Variants in ATL3 observed in about 807,000 individuals in gnomAD.
ATL3 encodes atlastin-3.
Under a neutral mutation model 69.5 loss-of-function variants are expected in ATL3, and 49 were observed. The observed-to-expected ratio is 0.71, with a 90% confidence interval of 0.56 to 0.89. ATL3 has a LOEUF of 0.89. ATL3 is among the 40% of genes least tolerant of loss of function. ATL3 has a pLI of 0.00. For missense variants in ATL3, 606 were observed against 645.7 expected, an observed-to-expected ratio of 0.94 and a Z score of 0.67; for synonymous variants, 214 against 224.1, an observed-to-expected ratio of 0.95 and a Z score of 0.40.
chr11:63,646,301 C>A (rs1358354770), intron 6 of ATL3, among the ~76,000 whole-genome samples: 1 of 152,154 alleles, frequency 6.6e-6, no homozygotes, highest in African/African-American at 2.4e-5. Context: ...TACCTACAGA[C>A]AATGACACTT....
intron 9 of ATL3, 97 bp downstream of exon 9, chr11:63,636,110 A>T: frequency 6.6e-7 from 1 of 1,508,546 alleles, no homozygotes; most frequent in Non-Finnish European, 8.9e-7. Flanking sequence ...CCCCCAGAAA[A>T]TTTTTAAGTT....
intron 1 of ATL3, among the ~76,000 whole-genome samples, chr11:63,663,452 A>G (rs978438584): frequency 2.6e-5 from 4 of 152,172 alleles, no homozygotes; most frequent in African/African-American, 9.7e-5. Context: ...CTACTTTTTA[A>G]GTTTTTGCAG....
upstream of ATL3, chr11:63,671,381 G>C (rs753082641): frequency 4.5e-6 from 7 of 1,551,914 alleles, no homozygotes; most frequent in Non-Finnish European, 6.1e-6. Context: ...GCAGAGGAGA[G>C]GGACGGGTGC....
At chr11:63,649,548 T>A (rs531152069) in intron 5 of ATL3, among the ~76,000 whole-genome samples, 2 of 151,724 alleles carry the variant, frequency 1.3e-5, no homozygotes, top group African/African-American at 4.8e-5. Context: ...TTTTTTTTTT[T>A]AAAGACAGAG....
chr11:63,636,073 G>A (rs1939505390), intron 9 of ATL3, 134 bp downstream of exon 9: 1 of 1,100,604 alleles, frequency 9.1e-7, no homozygotes, highest in South Asian at 1.6e-5. Context: ...AGGACACCAA[G>A]GTCTCTGAAA....
At chr11:63,648,992 G>A (rs1259420679) in intron 5 of ATL3, among the ~76,000 whole-genome samples, 4 of 151,746 alleles carry the variant, frequency 2.6e-5, no homozygotes, top group Non-Finnish European at 4.4e-5. Context: ...GTGGTGGCAC[G>A]CACCTGCAGT....
chr11:63,640,803 T>C (rs1018166029), intron 8 of ATL3, among the ~76,000 whole-genome samples: 1 of 152,062 alleles, frequency 6.6e-6, no homozygotes, highest in Non-Finnish European at 1.5e-5. Flanking sequence ...GGTTTCACCA[T>C]GTTGGCCAGG....
chr11:63,671,573 A>G (rs1180956914), upstream of ATL3: 20 of 1,422,778 alleles, frequency 1.4e-5, no homozygotes, highest in Non-Finnish European at 1.8e-5. Flanking sequence ...CGGGGCGGGA[A>G]AGCGCACGCG....
In ATL3 at chr11:63,636,328, G is replaced by A. The variant is rs1202824642; in HGVS notation, c.857C>T (p.Ala286Val). The change falls in exon 9 of 13, where the codon GCT (alanine) becomes GTT (valine). Residue 286 changes from alanine to valine, a missense_variant. By Grantham distance (64) the Ala-to-Val change is moderately conservative (BLOSUM62 0). Transcript: ENST00000398868. ...PDFDGKLKDIAGEFKEQLQAL... is the reference protein window; with the variant it reads ...PDFDGKLKDIVGEFKEQLQAL... Reference sequence around the variant, plus strand: ...CTGTAACTGCTCTTTGAATTCACCAGCAATATCTGTTCACAGGACGACAAA... The same window carrying A: ...CTGTAACTGCTCTTTGAATTCACCAACAATATCTGTTCACAGGACGACAAA... 1.2e-6 allele frequency: 2 copies of A among 1,613,860 alleles called. No individual in the cohort carries two copies. The highest frequency in any genetic ancestry group is 1.7e-6 in the Non-Finnish European group (2 of 1,179,988).
intron 5 of ATL3, 120 bp downstream of exon 5, chr11:63,651,816 G>T: frequency 7.2e-7 from 1 of 1,391,882 alleles, no homozygotes. Flanking sequence ...GAATTACTAT[G>T]AACCAAAAAC....
chr11:63,654,172 G>C (rs1344594746), intron 3 of ATL3, among the ~76,000 whole-genome samples: 2 of 150,286 alleles, frequency 1.3e-5, no homozygotes, highest in African/African-American at 4.9e-5. Flanking sequence ...TTTTGAGACG[G>C]AGTCTTGCGC....
In ATL3 at chr11:63,627,228, T is replaced by A. The variant is rs527517646; in HGVS notation, c.*2091A>T. The A allele has an allele frequency of 6.6e-6, 1 of 152,226 alleles. No homozygotes were observed. The highest frequency in any genetic ancestry group is 2.4e-5 in the African/African-American group (1 of 41,466). The allele number at this position is 152,226 out of a possible 1,614,324, so 9.4% of individuals were successfully genotyped here. ...TATTTACAGAGCCTGCTAATAGGTA[T>A]GAACTTTCAGAGAGATAAGAGGTCA... On this transcript the variant is annotated 3_prime_UTR_variant, in exon 13 of 13. Transcript: ENST00000398868.
rs1329353413 is a variant in ATL3 at position 63,627,748 on chromosome 11, A to C, written c.*1571T>G. 6.6e-6 allele frequency: 1 copy of C among 152,222 alleles called. No individual in the cohort carries two copies. Among genetic ancestry groups the C allele is most frequent in the Non-Finnish European group, 1.5e-5 (1 of 68,038 alleles). The allele number at this position is 152,222 out of a possible 1,614,324, so 9.4% of individuals were successfully genotyped here. On this transcript the variant is annotated 3_prime_UTR_variant, in exon 13 of 13. Coordinates refer to ENST00000398868, the MANE Select transcript of ATL3 (RefSeq NM_015459.5). ...CTAACAGATAAAACTTTTATCTCCTAATCAAGGTAAATAGAAAAAAAGAAC... is the reference window on the plus strand; with the variant it reads ...CTAACAGATAAAACTTTTATCTCCTCATCAAGGTAAATAGAAAAAAAGAAC...
Position 63,643,352 on chromosome 11 carries a change from C to T in ATL3, c.850+5G>A, listed in dbSNP as rs371251074. 56 of 1,601,684 alleles carry T rather than the reference C, an allele frequency of 3.5e-5. No homozygotes were observed. Among genetic ancestry groups the T allele is most frequent in the Non-Finnish European group, 4.3e-5 (50 of 1,175,028 alleles). On this transcript the variant is annotated splice_donor_5th_base_variant and intron_variant, in intron 8 of 12. Transcript: ENST00000398868. ...CACAGGTTTAAAATAACACCTGGAA[C>T]ACACCTTTTAATTTCCCATCAAAGT... is the stretch of plus-strand genomic sequence containing the variant.
chr11:63,659,262 T>A lies in ATL3; in HGVS notation c.47-10A>T, dbSNP rs761009322. 1 of 1,610,032 alleles carries A rather than the reference T, an allele frequency of 6.2e-7. No individual in the cohort carries two copies. The highest frequency in any genetic ancestry group is 8.5e-7 in the Non-Finnish European group (1 of 1,177,728). On this transcript the variant is annotated splice_polypyrimidine_tract_variant and intron_variant, in intron 1 of 12. Transcript: ENST00000398868. The stretch of plus-strand genomic sequence containing the variant: ...CTCTCCATGGCATCATCTATGTTCA[T>A]GCAGAGAAAAAAAATCAGTGTCAAA...
rs755308089 is a variant in ATL3, at chr11:63,633,717, C to CAA, written c.1036-622_1036-621dup. Among the ~76,000 whole-genome samples, 174 of 41,268 alleles carry CAA rather than the reference C, an allele frequency of 4.2e-3. 1 individual carries two copies. Among genetic ancestry groups the CAA allele is most frequent in the South Asian group, 0.031 (34 of 1,088 alleles). The allele number at this position is 41,268 out of a possible 152,430, so 27.1% of individuals were successfully genotyped here. A position where few individuals can be genotyped will look rare whatever the true frequency, so the allele number is the denominator to read the frequency against. The stretch of plus-strand genomic sequence containing the variant: ...CCAACTTTAAGAAATAGATGTGAGT[C>CAA]AAAAAAAAAAAAAAAAGAAGAAGGA... On this transcript the variant is annotated intron_variant, in intron 10 of 12. Coordinates refer to ENST00000398868, the MANE Select transcript of ATL3 (RefSeq NM_015459.5).
At position 63,632,820 on chromosome 11, in the gene ATL3, TCAAAA is replaced by T. The variant is rs372664895; in HGVS notation, c.1107+201_1107+205del. 792 of 732,838 alleles carry T rather than the reference TCAAAA, an allele frequency of 1.1e-3. 8 individuals are homozygous for T. In the East Asian group the frequency reaches 0.013, roughly 12 times the overall value. The allele number at this position is 732,838 out of a possible 1,614,324, so 45.4% of individuals were successfully genotyped here. A position where few individuals can be genotyped will look rare whatever the true frequency, so the allele number is the denominator to read the frequency against. ...TACTTACCAATAAACTATTTGCTAT[TCAAAA>T]CAAAACAAAACAAAACAAGAACAAA... is the stretch of plus-strand genomic sequence containing the variant. On this transcript the variant is annotated intron_variant, in intron 11 of 12. Transcript: ENST00000398868.
intron 3 of ATL3, among the ~76,000 whole-genome samples, chr11:63,656,113 C>T (rs886958148): frequency 1.3e-5 from 2 of 151,370 alleles, no homozygotes; most frequent in Admixed American, 1.3e-4. Flanking sequence ...AGTCCCAGCT[C>T]CTTGGGAGGC....
intron 10 of ATL3, among the ~76,000 whole-genome samples, chr11:63,634,052 A>AG (rs1455716257): frequency 6.7e-6 from 1 of 149,776 alleles, no homozygotes; most frequent in African/African-American, 2.5e-5. Flanking sequence ...AAAAAAAAAA[A>AG]AAAAAAGGAA....
Sources: gnomAD v4.1 joint callset for allele counts (sites outside exome capture counted in the v4.1 genomes callset) on GRCh38, gnomAD v4.1.1 for gene constraint, MANE v1.5 for transcripts, NCBI Gene and HGNC (gene_info 2026-07-23, HGNC 2026-07-21) for gene names.